The following NFATC2 variants were observed in gnomAD, a reference collection of about 807,000 sequenced individuals.
The protein encoded by NFATC2 is nuclear factor of activated T-cells, cytoplasmic 2.
Under a neutral mutation model 87.3 loss-of-function variants are expected in NFATC2, and 22 were observed. The ratio of observed to expected loss-of-function variants is 0.25; its 90% CI spans 0.18 to 0.36. The LOEUF is 0.36. Among genes scored for constraint, NFATC2 ranks in the 10% least tolerant of loss-of-function variants. NFATC2 has a pLI of 1.00. For missense variants in NFATC2, 1,149 were observed against 1,259.1 expected (o/e 0.91, Z 1.32); for synonymous variants, 565 against 542.2 (o/e 1.04, Z -0.58).
intron 6 of NFATC2, among the ~76,000 whole-genome samples, chr20:51,436,939 T>C (rs879568778): frequency 6.6e-5 from 10 of 152,106 alleles, no homozygotes; most frequent in Non-Finnish European, 1.2e-4. Flanking sequence ...AGTGGTATCC[T>C]GGCTCACAAG....
chr20:51,519,337 G>T (rs547959437), intron 2 of NFATC2, among the ~76,000 whole-genome samples: 1 of 152,048 alleles, frequency 6.6e-6, no homozygotes, highest in South Asian at 2.1e-4. Context: ...AATACAATCT[G>T]AAGAAGTAGA....
chr20:51,532,503 C>T (rs564984022), intron 1 of NFATC2, among the ~76,000 whole-genome samples: 13 of 152,224 alleles, frequency 8.5e-5, no homozygotes, highest in African/African-American at 1.2e-4. Context: ...TTCCTTTCTT[C>T]GGGAATGTTC....
intron 6 of NFATC2, among the ~76,000 whole-genome samples, chr20:51,436,830 C>T (rs1016773937): frequency 1.3e-5 from 2 of 152,168 alleles, no homozygotes; most frequent in African/African-American, 4.8e-5. Context: ...AGAGAAGCGC[C>T]ATGACAGGTC....
intron 9 of NFATC2, among the ~76,000 whole-genome samples, chr20:51,418,150 A>G (rs1239684088): frequency 6.6e-6 from 1 of 152,142 alleles, no homozygotes; most frequent in East Asian, 1.9e-4. Context: ...GGCTTCCCAC[A>G]CTCAGAGAGT....
In NFATC2 at chr20:51,407,811, C is replaced by T. The variant is rs535610137; in HGVS notation, c.2723-9081G>A. Among the ~76,000 whole-genome samples the T allele has an allele frequency of 1.7e-3, 257 of 152,330 alleles. 1 individual carries two copies. The highest frequency in any genetic ancestry group is 5.7e-3 in the African/African-American group (235 of 41,566). Reference sequence around the variant, plus strand: ...GAACCCTAAGCCTTCACTTTCCACTCGGTCCAACTTAAAGAAGGAGAAATT... The same window carrying T: ...GAACCCTAAGCCTTCACTTTCCACTTGGTCCAACTTAAAGAAGGAGAAATT... On this transcript the variant is annotated intron_variant, in intron 9 of 10. Coordinates refer to ENST00000371564, the MANE Select transcript of NFATC2 (RefSeq NM_012340.5).
At chr20:51,393,430 GA>G (rs1242910124) in intron 10 of NFATC2, among the ~76,000 whole-genome samples, 1 of 129,098 alleles carries the variant, frequency 7.7e-6, no homozygotes, top group Non-Finnish European at 1.6e-5. Flanking sequence ...ATATGTATTA[GA>G]AATACATACA....
chr20:51,396,108 G>T (rs941765518), intron 10 of NFATC2, among the ~76,000 whole-genome samples: 11 of 138,806 alleles, frequency 7.9e-5, no homozygotes, highest in Non-Finnish European at 1.6e-4. Context: ...TAATGGCAAA[G>T]AAGAAAAAGC....
At chr20:51,486,134 C>G (rs1391099508) in intron 3 of NFATC2, among the ~76,000 whole-genome samples, 1 of 152,028 alleles carries the variant, frequency 6.6e-6, no homozygotes, top group Non-Finnish European at 1.5e-5. Flanking sequence ...TCGCTTGAAC[C>G]CGGGAGGCAG....
Position 51,432,007 on chromosome 20 carries a change from T to C in NFATC2, c.2722+60A>G. ...TCCGTAGGCCATGCAGTGAACTTCC[T>C]GGGCAGAGATGCTTCAGGGCACCAT... On this transcript the variant is annotated intron_variant, in intron 9 of 10. Transcript: ENST00000371564. This position sits in a 1 kb window ranked among gnomAD's most constrained non-coding sequence, Gnocchi z 4.6. 1 of 1,482,858 alleles carries C rather than the reference T, an allele frequency of 6.7e-7. No homozygotes were observed. Among genetic ancestry groups the C allele is most frequent in the South Asian group, 1.4e-5 (1 of 69,694 alleles). 91.9% of individuals were successfully genotyped at this position (1,482,858 alleles called of 1,614,324 possible).
At chr20:51,532,202 C>T (rs530154376) in intron 1 of NFATC2, among the ~76,000 whole-genome samples, 6 of 152,268 alleles carry the variant, frequency 3.9e-5, no homozygotes, top group Non-Finnish European at 8.8e-5. Flanking sequence ...CAGCTGATAT[C>T]GTTTCCCCAT....
At position 51,475,407 on chromosome 20, in the gene NFATC2, C is replaced by G. The variant is rs755576738; in HGVS notation, c.1535+51G>C. On this transcript the variant is annotated intron_variant, in intron 4 of 10. Coordinates refer to ENST00000371564, the MANE Select transcript of NFATC2 (RefSeq NM_012340.5). ...CTCTCCCAAATCCCTGCCACCTGCC[C>G]CCTGCTCGCTTCTCCATGAAGACCC... 4.4e-5 allele frequency: 70 copies of G among 1,587,702 alleles called. No homozygotes were observed. The East Asian group carries it at 4.7e-4, about 11-fold the overall frequency.
At chr20:51,536,799 C>T (rs1453948396) in intron 1 of NFATC2, among the ~76,000 whole-genome samples, 1 of 152,208 alleles carries the variant, frequency 6.6e-6, no homozygotes, top group African/African-American at 2.4e-5. Flanking sequence ...CTTATTAAGG[C>T]CTGTCTTTAA....
intron 3 of NFATC2, among the ~76,000 whole-genome samples, chr20:51,492,026 C>G (rs1314026727): frequency 2.0e-5 from 3 of 151,948 alleles, no homozygotes; most frequent in Non-Finnish European, 4.4e-5. Flanking sequence ...CATGAACACC[C>G]CTTGTTCACT....
At chr20:51,481,008 G>A (rs1375447903) in intron 3 of NFATC2, among the ~76,000 whole-genome samples, 4 of 152,142 alleles carry the variant, frequency 2.6e-5, no homozygotes, top group African/African-American at 9.7e-5. Flanking sequence ...GGCTTGGAGT[G>A]TCAGAGGAAA....
chr20:51,417,294 C>T (rs1980177332), intron 9 of NFATC2, among the ~76,000 whole-genome samples: 1 of 152,170 alleles, frequency 6.6e-6, no homozygotes, highest in South Asian at 2.1e-4. Context: ...TTCAACCTTC[C>T]ACCTGCCAGT....
chr20:51,454,464 C>CA, intron 6 of NFATC2, 84 bp downstream of exon 6: 2 of 1,529,300 alleles, frequency 1.3e-6, no homozygotes, highest in South Asian at 1.2e-5. Flanking sequence ...ATCTACCCCC[C>CA]AAAACCAAAG....
Position 51,540,647 on chromosome 20 carries a change from G to GTTTTTTTTTTTTTTTTTTTTTTTTTTT in NFATC2, c.130+1722_130+1723insAAAAAAAAAAAAAAAAAAAAAAAAAAA, listed in dbSNP as rs375172598. 1.2e-4 allele frequency among the ~76,000 whole-genome samples: 14 copies of GTTTTTTTTTTTTTTTTTTTTTTTTTTT among 112,972 alleles called. 3 individuals are homozygous for GTTTTTTTTTTTTTTTTTTTTTTTTTTT. The highest frequency in any genetic ancestry group is 5.0e-4 in the East Asian group (2 of 3,980). The allele number at this position is 112,972 out of a possible 152,430, so 74.1% of individuals were successfully genotyped here. ...ATCTGAAACTGTTCCAAAAACTGAA[G>GTTTTTTTTTTTTTTTTTTTTTTTTTTT]TTTTTTTTTTGTTTTTTTTTTTTTG... On this transcript the variant is annotated intron_variant, in intron 1 of 10. Coordinates refer to ENST00000371564, the MANE Select transcript of NFATC2 (RefSeq NM_012340.5).
rs138369494 is a variant in NFATC2 at position 51,473,232 on chromosome 20, C to T, written c.1708+748G>A. On this transcript the variant is annotated intron_variant, in intron 5 of 10. Transcript: ENST00000371564. Reference sequence around the variant, plus strand: ...GTCCTTATCCTCTCCAGACCGTAAGCTCATTAAGGCCAGAGAAAGTGTCCT... The same window carrying T: ...GTCCTTATCCTCTCCAGACCGTAAGTTCATTAAGGCCAGAGAAAGTGTCCT... Among the ~76,000 whole-genome samples, 13 of 152,254 alleles carry T rather than the reference C, an allele frequency of 8.5e-5. No individual in the cohort carries two copies. The East Asian group carries it at 2.1e-3, about 25-fold the overall frequency.
At chr20:51,405,863 G>A (rs545039062) in intron 9 of NFATC2, among the ~76,000 whole-genome samples, 4 of 152,250 alleles carry the variant, frequency 2.6e-5, no homozygotes, top group South Asian at 2.1e-4. Context: ...AGCAACCTCC[G>A]CCTCCCAGGT....
Sources: gnomAD v4.1 joint callset for allele counts (sites outside exome capture counted in the v4.1 genomes callset) on GRCh38, gnomAD v4.1.1 for gene constraint, Gnocchi (gnomAD v3.1) non-coding constraint, MANE v1.5 for transcripts, NCBI Gene and HGNC (gene_info 2026-07-23, HGNC 2026-07-21) for gene names.